The following LRCH1 variants were observed in gnomAD, a reference collection of about 807,000 sequenced individuals.
LRCH1 encodes the protein leucine-rich repeat and calponin homology domain-containing protein 1.
In LRCH1, 23 loss-of-function variants were observed where a neutral mutation model predicts 94.9. The ratio of observed to expected loss-of-function variants is 0.24; its 90% CI spans 0.17 to 0.34. The LOEUF (loss-of-function observed/expected upper bound fraction) is 0.34. Among genes scored for constraint, LRCH1 ranks in the 10% least tolerant of loss-of-function variants. The probability of loss-of-function intolerance (pLI) is 1.00; values close to 1 mark genes in which losing one functional copy is unlikely to be tolerated. For synonymous variants in LRCH1, 364 were observed against 354.9 expected, an observed-to-expected ratio of 1.03 and a Z score of -0.29; for missense variants, 790 against 945.9, an observed-to-expected ratio of 0.84 and a Z score of 2.16.
intron 1 of LRCH1, among the ~76,000 whole-genome samples, chr13:46,564,521 C>T (rs1375080207): frequency 6.6e-6 from 1 of 152,332 alleles, no homozygotes; most frequent in Non-Finnish European, 1.5e-5. Flanking sequence ...CCCCACACCT[C>T]TCCCAGGTCC....
downstream of LRCH1, among the ~76,000 whole-genome samples, chr13:46,748,727 A>T (rs1214217530): frequency 6.6e-6 from 1 of 152,222 alleles, no homozygotes; most frequent in Non-Finnish European, 1.5e-5. Flanking sequence ...TGCTCACCTG[A>T]TACGCCATTG....
chr13:46,568,457 C>G (rs879341117), intron 1 of LRCH1, among the ~76,000 whole-genome samples: 4 of 152,170 alleles, frequency 2.6e-5, no homozygotes, highest in Non-Finnish European at 5.9e-5. Flanking sequence ...TCCAGGTTAT[C>G]CTGGTCATTT....
At chr13:46,712,350 G>T (rs1872108257) in intron 14 of LRCH1, among the ~76,000 whole-genome samples, 175 bp from the exon 15 acceptor site, 1 of 152,194 alleles carries the variant, frequency 6.6e-6, no homozygotes, top group African/African-American at 2.4e-5. Context: ...CATTCTGTTG[G>T]TTATGCCATT....
chr13:46,658,447 A>G (rs1054414059), intron 2 of LRCH1, among the ~76,000 whole-genome samples: 2 of 151,976 alleles, frequency 1.3e-5, no homozygotes, highest in Admixed American at 6.6e-5. Flanking sequence ...TTCCATTATT[A>G]CTTCTGTGGC....
Position 46,715,546 on chromosome 13 carries a change from T to TG in LRCH1, c.1655-12dup, listed in dbSNP as rs1247061153. On this transcript the variant is annotated splice_polypyrimidine_tract_variant and intron_variant, in intron 15 of 19. Transcript: ENST00000389797. Reference sequence around the variant, plus strand: ...TGCAACTGTACGCGGACTGGCTCTCTGGCTCCCCTGCAGACCCAGCCCTCA... The same window carrying TG: ...TGCAACTGTACGCGGACTGGCTCTCTGGGCTCCCCTGCAGACCCAGCCCTCA... 2.0e-6 allele frequency: 3 copies of TG among 1,501,634 alleles called. No homozygotes were observed. Among genetic ancestry groups the TG allele is most frequent in the Non-Finnish European group, 2.7e-6 (3 of 1,114,372 alleles). The allele number at this position is 1,501,634 out of a possible 1,614,324, so 93.0% of individuals were successfully genotyped here. A position where few individuals can be genotyped will look rare whatever the true frequency, so the allele number is the denominator to read the frequency against.
chr13:46,573,638 A>G (rs146934627), intron 1 of LRCH1, among the ~76,000 whole-genome samples: 2,180 of 151,834 alleles, frequency 0.014, 48 homozygotes, highest in African/African-American at 0.049. Context: ...AGAAAGACAA[A>G]CTTCGCATGT....
chr13:46,656,981 G>A (rs996134177), intron 2 of LRCH1, among the ~76,000 whole-genome samples: 4 of 152,008 alleles, frequency 2.6e-5, no homozygotes, highest in Non-Finnish European at 5.9e-5. Context: ...GGATCAGTGT[G>A]TATTGAAAAA....
intron 1 of LRCH1, among the ~76,000 whole-genome samples, chr13:46,619,661 G>C (rs2050857900): frequency 6.6e-6 from 1 of 152,206 alleles, no homozygotes; most frequent in Non-Finnish European, 1.5e-5. Context: ...GAAGCTCTGT[G>C]TTTGAAATCA....
chr13:46,751,595 A>G (rs777482463), exon 19 of LRCH1: 2 of 152,200 alleles, frequency 1.3e-5, no homozygotes, highest in Non-Finnish European at 2.9e-5. Context: ...TTCTTTTGCT[A>G]TGCACAAAAC....
chr13:46,649,892 G>A (rs2051270487), intron 1 of LRCH1, among the ~76,000 whole-genome samples: 1 of 151,966 alleles, frequency 6.6e-6, no homozygotes, highest in Admixed American at 6.6e-5. Context: ...ATACGTTAAA[G>A]GATAGCATTT....
intron 1 of LRCH1, among the ~76,000 whole-genome samples, chr13:46,620,905 AG>A (rs1225226475): frequency 3.3e-5 from 5 of 152,226 alleles, no homozygotes; most frequent in African/African-American, 1.2e-4. Flanking sequence ...GGCTTATGGA[AG>A]AGATGTAATC....
At chr13:46,576,888 T>C (rs534980784) in intron 1 of LRCH1, among the ~76,000 whole-genome samples, 1 of 152,178 alleles carries the variant, frequency 6.6e-6, no homozygotes, top group African/African-American at 2.4e-5. Context: ...ACAGTTTGGC[T>C]GGATTCTCTG....
In LRCH1 at chr13:46,593,827, A is replaced by T. The variant is rs548011646; in HGVS notation, c.307+40124A>T. ...AAACTCACTCTGATCTGATTTCATT[A>T]TTTGTCTGTTGTGGTAGCTTTGGTG... On this transcript the variant is annotated intron_variant, in intron 1 of 19. Coordinates refer to ENST00000389797, the MANE Select transcript of LRCH1 (RefSeq NM_001164211.2). Among the ~76,000 whole-genome samples the T allele has an allele frequency of 2.0e-5, 3 of 152,236 alleles. No homozygotes were observed. In the South Asian group the frequency reaches 6.2e-4, roughly 32 times the overall value.
chr13:46,644,871 A>G (rs7989491), intron 1 of LRCH1, among the ~76,000 whole-genome samples: 99,460 of 152,130 alleles, frequency 0.65, 32,796 homozygotes, highest in East Asian at 0.85. Flanking sequence ...AATTAAAAAT[A>G]AGAATTAAAA....
intron 13 of LRCH1, among the ~76,000 whole-genome samples, chr13:46,710,228 GAC>G (rs1478706897): frequency 2.6e-5 from 4 of 152,290 alleles, no homozygotes; most frequent in Admixed American, 6.5e-5. Context: ...GGTGCTCAGG[GAC>G]ACTGGGGAAG....
At chr13:46,750,545 G>A (rs895071232) in exon 19 of LRCH1, 3 of 1,548,670 alleles carry the variant, frequency 1.9e-6, no homozygotes, top group South Asian at 2.4e-5. Context: ...TTTAGGAAAA[G>A]CTATGTCTCC....
chr13:46,654,388 A>T (rs997587216), intron 2 of LRCH1, among the ~76,000 whole-genome samples: 1 of 152,202 alleles, frequency 6.6e-6, no homozygotes, highest in Non-Finnish European at 1.5e-5. Flanking sequence ...AAAATAAAAT[A>T]TATATTTTGT....
At chr13:46,610,996 G>A (rs927587955) in intron 1 of LRCH1, among the ~76,000 whole-genome samples, 1 of 152,146 alleles carries the variant, frequency 6.6e-6, no homozygotes, top group Non-Finnish European at 1.5e-5. Context: ...ACTCTAAAAT[G>A]TTATTTGGGA....
intron 1 of LRCH1, among the ~76,000 whole-genome samples, chr13:46,637,081 A>G (rs1352225157): frequency 6.6e-6 from 1 of 152,186 alleles, no homozygotes; most frequent in Non-Finnish European, 1.5e-5. Context: ...AGGCTTCCAC[A>G]TCTGAGGATG....
Sources: gnomAD v4.1 joint callset for allele counts (sites outside exome capture counted in the v4.1 genomes callset) on GRCh38, gnomAD v4.1.1 for gene constraint, MANE v1.5 for transcripts, NCBI Gene and HGNC (gene_info 2026-07-23, HGNC 2026-07-21) for gene names.